DLGAP2: variants seen among roughly 807,000 people sequenced by gnomAD.
DLGAP2 encodes DLG associated protein 2.
In DLGAP2, 26 loss-of-function variants were observed where a neutral mutation model predicts 100.3. The observed-to-expected ratio is 0.26, with a 90% CI of 0.19 to 0.36. The LOEUF (loss-of-function observed/expected upper bound fraction) is 0.36. Among genes scored for constraint, DLGAP2 ranks in the 10% least tolerant of loss-of-function variants. The pLI is 1.00. For synonymous variants in DLGAP2, 886 were observed against 630.1 expected, an observed-to-expected ratio of 1.41 and a Z score of -6.08; for missense variants, 1,858 against 1,453.2, an observed-to-expected ratio of 1.28 and a Z score of -4.53.
At chr8:1,646,008 A>G (rs1051398050) in intron 8 of DLGAP2, among the ~76,000 whole-genome samples, 2 of 152,146 alleles carry the variant, frequency 1.3e-5, no homozygotes, top group Non-Finnish European at 2.9e-5. Context: ...AGTTCTCTGT[A>G]TGATAGTGTG....
chr8:966,355 G>T (rs1320046158), intron 2 of DLGAP2, among the ~76,000 whole-genome samples: 2 of 152,160 alleles, frequency 1.3e-5, no homozygotes, highest in Non-Finnish European at 2.9e-5. Flanking sequence ...GATAAATCAT[G>T]ACTAAGATGA....
intron 2 of DLGAP2, among the ~76,000 whole-genome samples, chr8:1,204,985 T>C (rs1478556256): frequency 1.3e-5 from 2 of 152,118 alleles, no homozygotes; most frequent in African/African-American, 4.8e-5. Context: ...GACAGCTCCA[T>C]TGTAACATCC....
chr8:1,254,368 C>G (rs1799122934), intron 2 of DLGAP2, among the ~76,000 whole-genome samples: 3 of 152,124 alleles, frequency 2.0e-5, no homozygotes, highest in Admixed American at 6.5e-5. Context: ...TCCCACAGTT[C>G]CTGACATGCA....
chr8:1,610,376 C>A (rs993546981), intron 6 of DLGAP2, among the ~76,000 whole-genome samples: 63 of 151,364 alleles, frequency 4.2e-4, no homozygotes, highest in African/African-American at 1.4e-3. Flanking sequence ...ATCTCTGGGA[C>A]GCATTCAAAG....
intron 2 of DLGAP2, among the ~76,000 whole-genome samples, chr8:1,039,143 C>G (rs1802218927): frequency 7.1e-6 from 1 of 141,358 alleles, no homozygotes; most frequent in African/African-American, 2.9e-5. Flanking sequence ...TAGGAAGTGA[C>G]CCATGTGGAA....
intron 3 of DLGAP2, among the ~76,000 whole-genome samples, chr8:1,470,775 ACTCCC>A (rs1798762115): frequency 1.3e-5 from 1 of 75,982 alleles, no homozygotes; most frequent in African/African-American, 4.1e-5. Context: ...GCCTTTCCCG[ACTCCC>A]CCAGCCTTTC....
At chr8:974,374 G>C (rs1412359898) in intron 2 of DLGAP2, among the ~76,000 whole-genome samples, 2 of 152,174 alleles carry the variant, frequency 1.3e-5, no homozygotes, top group Non-Finnish European at 2.9e-5. Context: ...TATTTAAAGT[G>C]TTGAAAGAAA....
intron 8 of DLGAP2, among the ~76,000 whole-genome samples, chr8:1,654,813 A>G (rs1798247547): frequency 6.6e-6 from 1 of 152,156 alleles, no homozygotes; most frequent in East Asian, 1.9e-4. Flanking sequence ...ATCACTGATG[A>G]TGCATTCCTT....
At chr8:1,425,935 C>T (rs969637449) in intron 3 of DLGAP2, among the ~76,000 whole-genome samples, 4 of 152,148 alleles carry the variant, frequency 2.6e-5, no homozygotes, top group African/African-American at 9.7e-5. Flanking sequence ...ATAGCCAGGA[C>T]CTGATGTAGG....
chr8:1,430,059 T>C (rs1196377993), intron 3 of DLGAP2, among the ~76,000 whole-genome samples: 1 of 116,600 alleles, frequency 8.6e-6, no homozygotes, highest in Admixed American at 9.3e-5. Context: ...TAGAATTCAT[T>C]TTTAGTGAGA....
chr8:987,317 G>C (rs1457567594), intron 2 of DLGAP2, among the ~76,000 whole-genome samples: 3 of 152,158 alleles, frequency 2.0e-5, no homozygotes, highest in Non-Finnish European at 4.4e-5. Context: ...CACGGGTCCT[G>C]CTGGGATTCT....
chr8:1,344,087 C>CTCAGGGCCCTGTCGTGGGTCCATGTAT (rs1801484743), intron 3 of DLGAP2, among the ~76,000 whole-genome samples: 3 of 142,426 alleles, frequency 2.1e-5, no homozygotes, highest in African/African-American at 8.9e-5. Flanking sequence ...AAATGTCGTA[C>CTCAGGGCCCTGTCGTGGGTCCATGTAT]TCGGGGCCCT....
At chr8:802,053 AACAGTCT>A in intron 1 of DLGAP2, among the ~76,000 whole-genome samples, 1 of 148,982 alleles carries the variant, frequency 6.7e-6, no homozygotes, top group East Asian at 2.1e-4. Context: ...CGGCCTGGGG[AACAGTCT>A]GCACCCCTCC....
At chr8:901,916 T>C (rs1447974019) in intron 1 of DLGAP2, among the ~76,000 whole-genome samples, 1 of 152,184 alleles carries the variant, frequency 6.6e-6, no homozygotes, top group Non-Finnish European at 1.5e-5. Flanking sequence ...GTGGCTCAGT[T>C]TGGATCCTCC....
At chr8:827,161 A>G (rs1796698133) in intron 1 of DLGAP2, among the ~76,000 whole-genome samples, 2 of 152,202 alleles carry the variant, frequency 1.3e-5, no homozygotes, top group Non-Finnish European at 2.9e-5. Flanking sequence ...CAGTGCCTGG[A>G]CAGCGCCACA....
chr8:776,595 A>G (rs943712746), intron 1 of DLGAP2, among the ~76,000 whole-genome samples: 3 of 152,096 alleles, frequency 2.0e-5, no homozygotes, highest in African/African-American at 7.2e-5. Flanking sequence ...TTCTGCCTTC[A>G]TTTCGTTATG....
chr8:931,828 A>T (rs1419540682), intron 2 of DLGAP2, among the ~76,000 whole-genome samples: 1 of 151,714 alleles, frequency 6.6e-6, no homozygotes, highest in African/African-American at 2.4e-5. Flanking sequence ...CATTTTTTGG[A>T]CTCTCAATGA....
intron 14 of DLGAP2, among the ~76,000 whole-genome samples, chr8:1,699,364 G>C (rs1021043450): frequency 6.6e-6 from 1 of 151,804 alleles, no homozygotes; most frequent in Non-Finnish European, 1.5e-5. Context: ...CCAGCACTTC[G>C]GGAGGCCTAG....
chr8:1,564,501 AG>A (rs369360741), intron 5 of DLGAP2, among the ~76,000 whole-genome samples: 2 of 152,200 alleles, frequency 1.3e-5, no homozygotes, highest in Non-Finnish European at 2.9e-5. Context: ...TACACAGCAC[AG>A]GGGGGTTATA....
Sources: allele counts gnomAD v4.1 joint callset (sites outside exome capture counted in the v4.1 genomes callset), GRCh38; gene constraint gnomAD v4.1.1; transcripts MANE v1.5; gene names NCBI Gene and HGNC (gene_info 2026-07-23, HGNC 2026-07-21).